GALNT8: variants seen among roughly 807,000 people sequenced by gnomAD.
The protein encoded by GALNT8 is polypeptide N-acetylgalactosaminyltransferase 8, also known as probable polypeptide N-acetylgalactosaminyltransferase 8.
GALNT8 carries 66 observed loss-of-function variants against 62.7 expected under a neutral mutation model. The observed-to-expected ratio is 1.05, with a 90% CI of 0.86 to 1.29. The LOEUF is 1.29. Among genes scored for constraint, GALNT8 ranks in the 50% most tolerant of loss-of-function variants. The probability of loss-of-function intolerance (pLI) is 0.00; values close to 1 mark genes in which losing one functional copy is unlikely to be tolerated. For missense variants in GALNT8, 771 were observed against 791.8 expected, an observed-to-expected ratio of 0.97 and a Z score of 0.32; for synonymous variants, 288 against 294.3, an observed-to-expected ratio of 0.98 and a Z score of 0.22.
Position 4,762,846 on chromosome 12 carries a change from C to T in GALNT8, c.1360-407C>T, listed in dbSNP as rs183532306. Among the ~76,000 whole-genome samples, 18 of 152,310 alleles carry T rather than the reference C, an allele frequency of 1.2e-4. No individual in the cohort carries two copies. The East Asian group carries it at 3.1e-3, about 26-fold the overall frequency. On this transcript the variant is annotated intron_variant, in intron 7 of 10. Coordinates refer to ENST00000252318, the MANE Select transcript of GALNT8 (RefSeq NM_017417.2). ...CTGAGCAATGAATGATTCGCAAATG[C>T]GGCAGCACCCAGAATCACAGCAGAT...
intron 3 of GALNT8, among the ~76,000 whole-genome samples, chr12:4,743,123 T>C (rs1055251280): frequency 6.6e-6 from 1 of 152,224 alleles, no homozygotes; most frequent in African/African-American, 2.4e-5. Context: ...AGTGCTGGGA[T>C]TACAGGCATG....
chr12:4,769,064 A>G (rs1385578916), intron 10 of GALNT8, among the ~76,000 whole-genome samples: 1 of 152,180 alleles, frequency 6.6e-6, no homozygotes, highest in Admixed American at 6.5e-5. Flanking sequence ...AGACACATGG[A>G]CTTTAAGTTG....
At chr12:4,731,859 G>T (rs977707093) in intron 2 of GALNT8, among the ~76,000 whole-genome samples, 3 of 152,050 alleles carry the variant, frequency 2.0e-5, no homozygotes, top group South Asian at 2.1e-4. Context: ...TGCCATGTTG[G>T]CCAGGCTAAT....
rs969846127 is a variant in GALNT8 at position 4,726,932 on chromosome 12, G to A, written c.509+103G>A. On this transcript the variant is annotated intron_variant, in intron 2 of 10. Coordinates refer to ENST00000252318, the MANE Select transcript of GALNT8 (RefSeq NM_017417.2). This position sits in a 1 kb window ranked among gnomAD's most constrained non-coding sequence, Gnocchi z 4.1. ...GGCTGGGGGAGTGGGGGATTGTTGGGGAAGGGGTTCAGGCTGAGCAAAGTT... is the reference window on the plus strand; with the variant it reads ...GGCTGGGGGAGTGGGGGATTGTTGGAGAAGGGGTTCAGGCTGAGCAAAGTT... 14 of 984,734 alleles carry A rather than the reference G, an allele frequency of 1.4e-5. No individual in the cohort carries two copies. Among genetic ancestry groups the A allele is most frequent in the Non-Finnish European group, 2.1e-5 (14 of 658,270 alleles). The allele number at this position is 984,734 out of a possible 1,614,324, so 61.0% of individuals were successfully genotyped here.
chr12:4,757,416 A>G (rs950633544), intron 6 of GALNT8, among the ~76,000 whole-genome samples: 4 of 152,242 alleles, frequency 2.6e-5, no homozygotes, highest in African/African-American at 9.6e-5. Context: ...AGAAGCTTCA[A>G]CATGATAGAA....
At chr12:4,771,229 G>A (rs182566769) in intron 10 of GALNT8, among the ~76,000 whole-genome samples, 51 of 152,366 alleles carry the variant, frequency 3.3e-4, no homozygotes, top group African/African-American at 1.2e-3. Context: ...GCAGGTTTAT[G>A]AGCCAGGCCT....
Position 4,763,987 on chromosome 12 carries a change from T to C in GALNT8, c.1533T>C (p.Asp511=). Residue 511 remains aspartate, a synonymous_variant, in exon 9 of 11, where the codon GAT becomes GAC. Coordinates refer to ENST00000252318, the MANE Select transcript of GALNT8 (RefSeq NM_017417.2). The part of the protein sequence containing the change: ...KNLLDENVCL[D]QGPVPGNTPI... The stretch of plus-strand genomic sequence containing the variant: ...TATTGGATGAAAATGTCTGCTTGGA[T>C]CAGGGACCCGTTCCAGGCAACACCC... The C allele has an allele frequency of 6.3e-7, 1 of 1,597,518 alleles. No individual in the cohort carries two copies. The highest frequency in any genetic ancestry group is 8.6e-7 in the Non-Finnish European group (1 of 1,164,598).
intron 2 of GALNT8, among the ~76,000 whole-genome samples, chr12:4,733,393 G>A (rs1364084997): frequency 1.3e-5 from 2 of 152,118 alleles, no homozygotes; most frequent in African/African-American, 2.4e-5. Context: ...ATTGATATAC[G>A]GTGGGTAAGA....
rs200990801 is a variant in GALNT8, at chr12:4,745,625, A to T, written c.1057A>T (p.Lys353Ter). The change falls in exon 5 of 11, where the codon AAG becomes TAG. Residue 353 changes from lysine (K) to a stop codon, truncating the protein, a stop_gained and splice_region_variant. Transcript: ENST00000252318. LOFTEE classifies it high-confidence loss of function. ...IDLHDVTAPV[K>*]SPSIMGILAA... ...TCTGCATGATGTCACTGCCCCAGTGAAGTAAGTCTGAGGAGATTCAGGGAA... is the reference window on the plus strand; with the variant it reads ...TCTGCATGATGTCACTGCCCCAGTGTAGTAAGTCTGAGGAGATTCAGGGAA... The T allele has an allele frequency of 1.8e-5, 29 of 1,610,856 alleles. 1 individual carries two copies. The Middle Eastern group carries it at 5.0e-4, about 28-fold the overall frequency.
intron 1 of GALNT8, among the ~76,000 whole-genome samples, chr12:4,723,348 A>G (rs1946179600): frequency 6.6e-6 from 1 of 152,152 alleles, no homozygotes; most frequent in Admixed American, 6.5e-5. Context: ...GACATTGCCC[A>G]TGCAAATATG....
At chr12:4,744,442 T>C in intron 3 of GALNT8, 75 bp from the exon 4 acceptor site, 2 of 1,004,984 alleles carry the variant, frequency 2.0e-6, no homozygotes, top group East Asian at 2.5e-5. Flanking sequence ...GCCACTAATA[T>C]ATGATAGTAT....
chr12:4,761,188 G>T, intron 7 of GALNT8, 45 bp downstream of exon 7: 1 of 1,554,536 alleles, frequency 6.4e-7, no homozygotes, highest in Admixed American at 1.7e-5. Context: ...TGAAAGAGGA[G>T]GAGGTGGCGG....
At position 4,726,235 on chromosome 12, in the gene GALNT8, C is replaced by T. The variant is rs1189147696; in HGVS notation, c.212-297C>T. Among the ~76,000 whole-genome samples the T allele has an allele frequency of 3.9e-5, 6 of 151,952 alleles. No individual in the cohort carries two copies. The highest frequency in any genetic ancestry group is 6.6e-5 in the Admixed American group (1 of 15,244). ...CAGGCCTCATTCTGAAAAACATTAGCTTATTTTCCATCTGTTTCTCAGATC... is the reference window on the plus strand; with the variant it reads ...CAGGCCTCATTCTGAAAAACATTAGTTTATTTTCCATCTGTTTCTCAGATC... On this transcript the variant is annotated intron_variant, in intron 1 of 10. Coordinates refer to ENST00000252318, the MANE Select transcript of GALNT8 (RefSeq NM_017417.2). This position sits in a 1 kb window ranked among gnomAD's most constrained non-coding sequence, Gnocchi z 4.1.
intron 10 of GALNT8, among the ~76,000 whole-genome samples, chr12:4,767,976 C>G (rs1946407066): frequency 6.6e-6 from 1 of 151,946 alleles, no homozygotes; most frequent in Non-Finnish European, 1.5e-5. Context: ...TTGACAATCC[C>G]CTTTAAAGAA....
At chr12:4,746,317 A>C (rs1946299732) in intron 6 of GALNT8, 59 bp downstream of exon 6, 1 of 940,216 alleles carries the variant, frequency 1.1e-6, no homozygotes, top group Non-Finnish European at 1.8e-6. Context: ...ATAGAAAGGT[A>C]GTAGGACCCC....
intron 8 of GALNT8, 120 bp downstream of exon 8, chr12:4,763,510 A>G (rs912571391): frequency 3.9e-6 from 3 of 771,190 alleles, no homozygotes; most frequent in Non-Finnish European, 6.5e-6. Flanking sequence ...CTTTCTACTC[A>G]GCTCTTCGCC....
chr12:4,756,727 T>C (rs1946346788), intron 6 of GALNT8, among the ~76,000 whole-genome samples: 1 of 152,222 alleles, frequency 6.6e-6, no homozygotes, highest in Non-Finnish European at 1.5e-5. Flanking sequence ...CCCATAGCCA[T>C]GTACTGTACC....
intron 9 of GALNT8, among the ~76,000 whole-genome samples, chr12:4,764,273 A>G (rs1336821071): frequency 6.6e-6 from 1 of 152,218 alleles, no homozygotes; most frequent in Non-Finnish European, 1.5e-5. Context: ...GATAGGTAGA[A>G]AAGCTATGCT....
At chr12:4,728,498 T>C (rs1343255305) in intron 2 of GALNT8, among the ~76,000 whole-genome samples, 2 of 152,158 alleles carry the variant, frequency 1.3e-5, no homozygotes, top group African/African-American at 4.8e-5. Flanking sequence ...ATAGTTTCAG[T>C]CTTAAATTTA....
Sources: gnomAD v4.1 joint callset for allele counts (sites outside exome capture counted in the v4.1 genomes callset) on GRCh38, gnomAD v4.1.1 for gene constraint, Gnocchi (gnomAD v3.1) non-coding constraint, MANE v1.5 for transcripts, NCBI Gene and HGNC (gene_info 2026-07-23, HGNC 2026-07-21) for gene names.